The following DLG2 variants were observed in gnomAD, a reference collection of about 807,000 sequenced individuals.
The protein encoded by DLG2 is discs large MAGUK scaffold protein 2.
In DLG2, 45 loss-of-function variants were observed where a neutral mutation model predicts 132.5. The ratio of observed to expected loss-of-function variants is 0.34; its 90% CI spans 0.27 to 0.44. The LOEUF (loss-of-function observed/expected upper bound fraction) is 0.44, where lower values mean the gene tolerates loss of function less well. DLG2 is among the 20% of genes least tolerant of loss of function. The probability of loss-of-function intolerance (pLI) is 1.00; values close to 1 mark genes in which losing one functional copy is unlikely to be tolerated. For missense variants in DLG2, 1,045 were observed against 1,196.9 expected, an observed-to-expected ratio of 0.87 and a Z score of 1.87; for synonymous variants, 424 against 419.6, an observed-to-expected ratio of 1.01 and a Z score of -0.13.
At chr11:84,435,916 C>T (rs2098999250) in intron 7 of DLG2, among the ~76,000 whole-genome samples, 1 of 152,184 alleles carries the variant, frequency 6.6e-6, no homozygotes, top group Admixed American at 6.5e-5. Flanking sequence ...CTGTCAGAGC[C>T]ATTTATGGTC....
In DLG2 at chr11:84,696,440, A is replaced by C. The variant is rs77082342; in HGVS notation, c.358-161709T>G. 1.7e-3 allele frequency among the ~76,000 whole-genome samples: 257 copies of C among 151,668 alleles called. 6 individuals are homozygous for C. The East Asian group carries it at 0.047, about 28-fold the overall frequency. ...TCAATTAAGGCAGTAAAACTCCAGA[A>C]TGTAGTTTCTTGACCTTGACTTTGC... On this transcript the variant is annotated intron_variant, in intron 6 of 27. Transcript: ENST00000376104.
In DLG2 at chr11:83,849,799, C is replaced by T. The variant is rs140753291; in HGVS notation, c.1566-16029G>A. ...AGCATAAAATATTACATTTATAACG[C>T]GAATTTCTTATTTACCCAGAATGCT... On this transcript the variant is annotated intron_variant, in intron 16 of 27. Transcript: ENST00000376104. Among the ~76,000 whole-genome samples, 888 of 149,552 alleles carry T rather than the reference C, an allele frequency of 5.9e-3. 8 individuals carry two copies. The highest frequency in any genetic ancestry group is 0.02 in the African/African-American group (825 of 40,632).
At chr11:85,467,624 G>A (rs530988658) in intron 3 of DLG2, among the ~76,000 whole-genome samples, 47 of 152,244 alleles carry the variant, frequency 3.1e-4, no homozygotes, top group East Asian at 2.7e-3. Context: ...ATTGATTTGC[G>A]TATGTTGAAC....
chr11:84,271,949 CAAAAA>C lies in DLG2; in HGVS notation c.520-20663_520-20659del, dbSNP rs71036417. ...AAGGAATATCACACTTTGATAATAA[CAAAAA>C]AAAAAAAAAAAAAAAAAAGGAAGAG... On this transcript the variant is annotated intron_variant, in intron 7 of 27. Transcript: ENST00000376104. Among the ~76,000 whole-genome samples, 39 of 77,770 alleles carry C rather than the reference CAAAAA, an allele frequency of 5.0e-4. No individual in the cohort carries two copies. The South Asian group carries it at 8.8e-3, about 18-fold the overall frequency. The allele number at this position is 77,770 out of a possible 152,430, so 51.0% of individuals were successfully genotyped here. A position where few individuals can be genotyped will look rare whatever the true frequency, so the allele number is the denominator to read the frequency against.
Position 84,329,665 on chromosome 11 carries a change from T to C in DLG2, c.520-78374A>G, listed in dbSNP as rs1443564236. On this transcript the variant is annotated intron_variant, in intron 7 of 27. Transcript: ENST00000376104. Reference sequence around the variant, plus strand: ...ATAGCAATATGAGAACAGACTAAGATACATGCTCTAGTTTGAACTCTTCCA... The same window carrying C: ...ATAGCAATATGAGAACAGACTAAGACACATGCTCTAGTTTGAACTCTTCCA... 3.9e-5 allele frequency among the ~76,000 whole-genome samples: 6 copies of C among 152,326 alleles called. No individual in the cohort carries two copies. The East Asian group carries it at 7.7e-4, about 20-fold the overall frequency.
chr11:84,354,177 T>A (rs1051897241), intron 7 of DLG2, among the ~76,000 whole-genome samples: 5 of 152,210 alleles, frequency 3.3e-5, no homozygotes, highest in African/African-American at 1.2e-4. Context: ...GGCATCTGAG[T>A]AAAATATCAT....
intron 6 of DLG2, among the ~76,000 whole-genome samples, chr11:84,922,051 A>C (rs2092781797): frequency 6.6e-6 from 1 of 152,172 alleles, no homozygotes. Flanking sequence ...AAGGCTTACA[A>C]AAGAGTGAGC....
Position 83,459,845 on chromosome 11 carries a change from G to A in DLG2, c.2901C>T (p.Ile967=). Residue 967 remains isoleucine (I), a synonymous_variant, in exon 28 of 28, where the codon ATC becomes ATT. Coordinates refer to ENST00000376104, the MANE Select transcript of DLG2 (RefSeq NM_001142699.3). Reference sequence around the variant, plus strand: ...ATAACTTTTCCTTTGAGGGAATCCAGATGAAAGGCCCAGATTGCTCTTCAA... The same window carrying A: ...ATAACTTTTCCTTTGAGGGAATCCAAATGAAAGGCCCAGATTGCTCTTCAA... The part of the protein sequence containing the change: ...LVIEEQSGPF[I]WIPSKEKL 1 of 1,610,182 alleles carries A rather than the reference G, an allele frequency of 6.2e-7. No homozygotes were observed. The highest frequency in any genetic ancestry group is 8.5e-7 in the Non-Finnish European group (1 of 1,176,428).
chr11:84,513,564 G>A (rs1178477521), intron 7 of DLG2, among the ~76,000 whole-genome samples: 2 of 151,898 alleles, frequency 1.3e-5, no homozygotes, highest in East Asian at 3.9e-4. Context: ...TTTGACAAAG[G>A]TGCCAAGAAC....
Position 83,458,285 on chromosome 11 carries a change from T to C in DLG2, c.*1533A>G, listed in dbSNP as rs1252165152. The C allele has an allele frequency of 6.6e-6, 1 of 152,630 alleles. No homozygotes were observed. The highest frequency in any genetic ancestry group is 1.5e-5 in the Non-Finnish European group (1 of 68,036). 9.5% of individuals were successfully genotyped at this position (152,630 alleles called of 1,614,324 possible). A position where few individuals can be genotyped will look rare whatever the true frequency, so the allele number is the denominator to read the frequency against. On this transcript the variant is annotated 3_prime_UTR_variant, in exon 28 of 28. Transcript: ENST00000376104. Reference sequence around the variant, plus strand: ...CTCTAAAGTGGGAAACCAACTCTTCTAGTTCAGTTTATAGGCTTTGGGAGG... The same window carrying C: ...CTCTAAAGTGGGAAACCAACTCTTCCAGTTCAGTTTATAGGCTTTGGGAGG...
At chr11:85,550,590 G>A (rs762014247) in intron 3 of DLG2, among the ~76,000 whole-genome samples, 5 of 152,336 alleles carry the variant, frequency 3.3e-5, no homozygotes, top group East Asian at 3.9e-4. Flanking sequence ...AGTTGAGAGC[G>A]GCAGGCTGAG....
At chr11:83,581,778 A>G (rs1448123075) in intron 19 of DLG2, among the ~76,000 whole-genome samples, 1 of 152,116 alleles carries the variant, frequency 6.6e-6, no homozygotes, top group African/African-American at 2.4e-5. Context: ...GGAAATACCT[A>G]CTGTTTCTTT....
chr11:85,454,416 C>T (rs566833128), intron 3 of DLG2, among the ~76,000 whole-genome samples: 1 of 151,800 alleles, frequency 6.6e-6, no homozygotes, highest in Non-Finnish European at 1.5e-5. Context: ...TGTTCTGTAT[C>T]GATTTTGCAT....
intron 3 of DLG2, among the ~76,000 whole-genome samples, chr11:85,403,115 G>A (rs993132468): frequency 1.3e-5 from 2 of 152,126 alleles, no homozygotes; most frequent in Admixed American, 6.6e-5. Flanking sequence ...ACAATAGACT[G>A]GATTAAGAAA....
intron 19 of DLG2, among the ~76,000 whole-genome samples, chr11:83,583,330 G>A (rs1390545833): frequency 6.6e-6 from 1 of 152,118 alleles, no homozygotes; most frequent in Non-Finnish European, 1.5e-5. Flanking sequence ...CCTCACACAT[G>A]CTCATGAACA....
chr11:83,587,193 T>G (rs1182130950), intron 19 of DLG2, among the ~76,000 whole-genome samples: 7 of 152,126 alleles, frequency 4.6e-5, no homozygotes. Flanking sequence ...TATAGTTTTT[T>G]TTAAATTATC....
intron 6 of DLG2, among the ~76,000 whole-genome samples, chr11:84,847,768 A>G (rs2081659293): frequency 6.6e-6 from 1 of 152,272 alleles, no homozygotes; most frequent in Admixed American, 6.5e-5. Context: ...AAGATTCTCA[A>G]TGATATTGCC....
chr11:83,507,761 TATATATATATATATATA>T (rs2094797088), intron 21 of DLG2, among the ~76,000 whole-genome samples: 10 of 12,940 alleles, frequency 7.7e-4, no homozygotes, highest in African/African-American at 1.3e-3. Flanking sequence ...ATTTTTATTA[TATATATATATATATATA>T]TATATATATA....
At chr11:84,568,107 A>G (rs1940073) in intron 6 of DLG2, among the ~76,000 whole-genome samples, 14,954 of 152,184 alleles carry the variant, frequency 0.098, 813 homozygotes, top group South Asian at 0.21. Flanking sequence ...GCATGGCTAG[A>G]CCACCTGGAG....
Sources: gnomAD v4.1 joint callset for allele counts (sites outside exome capture counted in the v4.1 genomes callset) on GRCh38, gnomAD v4.1.1 for gene constraint, MANE v1.5 for transcripts, NCBI Gene and HGNC (gene_info 2026-07-23, HGNC 2026-07-21) for gene names.